Variants in PKIG observed in about 807,000 individuals in gnomAD.
PKIG encodes the protein cAMP-dependent protein kinase inhibitor gamma.
A neutral mutation model predicts 6.8 loss-of-function variants in PKIG; 1 was observed. The ratio of observed to expected loss-of-function variants is 0.15; its 90% confidence interval spans 0.05 to 0.69. The LOEUF is 0.69. Ranked by LOEUF, PKIG falls within the 30% of genes least tolerant of loss-of-function variation. PKIG has a pLI of 0.82. For synonymous variants in PKIG, 39 were observed against 43.0 expected (o/e 0.91, Z 0.36); for missense variants, 77 against 104.0 (o/e 0.74, Z 1.13).
chr20:44,535,257 G>A (rs1343902309), intron 1 of PKIG, among the ~76,000 whole-genome samples: 1 of 152,116 alleles, frequency 6.6e-6, no homozygotes, highest in African/African-American at 2.4e-5. Flanking sequence ...GGGAACATCA[G>A]AGTATTGATA....
At chr20:44,571,137 G>A (rs2064850480) in intron 1 of PKIG, among the ~76,000 whole-genome samples, 1 of 152,058 alleles carries the variant, frequency 6.6e-6, no homozygotes, top group Non-Finnish European at 1.5e-5. Context: ...GGGAGGCTGA[G>A]GCAGGAGAAT....
At chr20:44,613,478 T>A (rs562400876) in intron 2 of PKIG, among the ~76,000 whole-genome samples, 2 of 152,256 alleles carry the variant, frequency 1.3e-5, no homozygotes, top group South Asian at 4.1e-4. Context: ...AGCCTACCTC[T>A]CCCCTTGGAG....
chr20:44,559,397 C>A (rs1174710578), intron 1 of PKIG, among the ~76,000 whole-genome samples: 1 of 152,140 alleles, frequency 6.6e-6, no homozygotes, highest in Non-Finnish European at 1.5e-5. Flanking sequence ...CACTTACAAA[C>A]CTTTTGGCTT....
intron 3 of PKIG, 87 bp from the exon 4 acceptor site, chr20:44,618,198 T>C (rs760598657): frequency 5.9e-6 from 5 of 843,836 alleles, no homozygotes; most frequent in African/African-American, 1.7e-5. Flanking sequence ...TCCACTGCTA[T>C]CAGTTTGGCT....
intron 1 of PKIG, among the ~76,000 whole-genome samples, chr20:44,570,372 AC>A (rs776921280): frequency 2.6e-5 from 4 of 152,224 alleles, no homozygotes; most frequent in Non-Finnish European, 4.4e-5. Flanking sequence ...TCCATTTAAT[AC>A]ATTTCCACAA....
At position 44,615,400 on chromosome 20, in the gene PKIG, C is replaced by T. The variant is rs534899196; in HGVS notation, c.151+693C>T. Reference sequence around the variant, plus strand: ...GTCTCAGGGGTCTAAATGTGAGCGCCGGGAGGGCAGAGGCCTTGCATTCTG... The same window carrying T: ...GTCTCAGGGGTCTAAATGTGAGCGCTGGGAGGGCAGAGGCCTTGCATTCTG... On this transcript the variant is annotated intron_variant, in intron 3 of 3. Transcript: ENST00000372886. 8.5e-5 allele frequency among the ~76,000 whole-genome samples: 13 copies of T among 152,356 alleles called. No individual in the cohort carries two copies. In the East Asian group the frequency reaches 1.2e-3, roughly 14 times the overall value.
At chr20:44,580,007 C>T (rs935906006), upstream of PKIG, among the ~76,000 whole-genome samples, 1 of 152,202 alleles carries the variant, frequency 6.6e-6, no homozygotes, top group Admixed American at 6.5e-5. Context: ...TTGTTCATTA[C>T]TCATCGTGAC....
chr20:44,556,843 TTTTC>T (rs1438937029), intron 1 of PKIG, among the ~76,000 whole-genome samples: 1 of 152,162 alleles, frequency 6.6e-6, no homozygotes, highest in African/African-American at 2.4e-5. Context: ...CTTCATAAGA[TTTTC>T]TTTCTTCTAA....
At chr20:44,615,645 G>A (rs1054595984) in intron 3 of PKIG, among the ~76,000 whole-genome samples, 7 of 152,102 alleles carry the variant, frequency 4.6e-5, no homozygotes, top group Admixed American at 6.6e-5. Context: ...CACAGAGGCC[G>A]TGTGTGCTTC....
intron 1 of PKIG, among the ~76,000 whole-genome samples, chr20:44,574,002 A>G (rs1340929260): frequency 1.3e-5 from 2 of 152,212 alleles, no homozygotes; most frequent in African/African-American, 2.4e-5. Flanking sequence ...GAGTCTAGAA[A>G]GGCATCTGTC....
At chr20:44,602,705 T>C (rs1287516841) in intron 2 of PKIG, among the ~76,000 whole-genome samples, 1 of 151,688 alleles carries the variant, frequency 6.6e-6, no homozygotes, top group Non-Finnish European at 1.5e-5. Flanking sequence ...GCCGGGTATG[T>C]TGGTTCATGC....
At chr20:44,547,996 G>A (rs2064631695) in intron 1 of PKIG, among the ~76,000 whole-genome samples, 1 of 151,980 alleles carries the variant, frequency 6.6e-6, no homozygotes, top group South Asian at 2.1e-4. Flanking sequence ...TGGCCAACAT[G>A]GTGAAACCTC....
At chr20:44,596,147 G>A (rs1568827931) in intron 2 of PKIG, among the ~76,000 whole-genome samples, 1 of 152,182 alleles carries the variant, frequency 6.6e-6, no homozygotes, top group African/African-American at 2.4e-5. Flanking sequence ...TACCCTCTTG[G>A]AATCAGTTGG....
intron 1 of PKIG, chr20:44,585,344 G>A (rs2123359790): frequency 6.6e-6 from 1 of 152,468 alleles, no homozygotes; most frequent in Non-Finnish European, 1.5e-5. Context: ...CTTGGGAGTG[G>A]AGGTAGGTTG....
intron 1 of PKIG, among the ~76,000 whole-genome samples, chr20:44,540,140 T>C (rs1296857265): frequency 6.6e-6 from 1 of 151,904 alleles, no homozygotes; most frequent in African/African-American, 2.4e-5. Context: ...TTCGTATTTT[T>C]AGTAGAGATG....
At chr20:44,617,414 G>A (rs1485691626) in intron 3 of PKIG, among the ~76,000 whole-genome samples, 1 of 152,138 alleles carries the variant, frequency 6.6e-6, no homozygotes, top group Non-Finnish European at 1.5e-5. Context: ...GAGGAGGAAA[G>A]CATGGAGACT....
intron 2 of PKIG, among the ~76,000 whole-genome samples, chr20:44,610,180 G>A (rs147630586): frequency 5.9e-5 from 9 of 152,276 alleles, no homozygotes; most frequent in South Asian, 2.1e-4. Flanking sequence ...TGCTGTAGCC[G>A]GGGGGAATTG....
At chr20:44,532,143 A>T in intron 1 of PKIG, among the ~76,000 whole-genome samples, 1 of 151,966 alleles carries the variant, frequency 6.6e-6, no homozygotes, top group Middle Eastern at 3.4e-3. Context: ...ACGCCCTTTG[A>T]CCCCGCCCCG....
chr20:44,583,813 C>T (rs750451831), intron 1 of PKIG, among the ~76,000 whole-genome samples: 1 of 152,112 alleles, frequency 6.6e-6, no homozygotes, highest in Non-Finnish European at 1.5e-5. Flanking sequence ...GCCCTTATGG[C>T]TTTAGGAGCA....
Sources: allele counts gnomAD v4.1 joint callset (sites outside exome capture counted in the v4.1 genomes callset), GRCh38; gene constraint gnomAD v4.1.1; transcripts MANE v1.5; gene names NCBI Gene and HGNC (gene_info 2026-07-23, HGNC 2026-07-21).